SPATA22: variants seen among roughly 807,000 people sequenced by gnomAD.
SPATA22 encodes the protein spermatogenesis associated 22, also known as spermatogenesis-associated protein 22.
A neutral mutation model predicts 47.8 loss-of-function variants in SPATA22; 29 were observed. The ratio of observed to expected loss-of-function variants is 0.61; its 90% CI spans 0.45 to 0.83. The LOEUF is 0.83. Among genes scored for constraint, SPATA22 ranks in the 40% least tolerant of loss-of-function variants. The pLI, the probability that SPATA22 is intolerant of heterozygous loss-of-function variation, is 0.00. For missense variants in SPATA22, 410 were observed against 421.7 expected (o/e 0.97, Z 0.24); for synonymous variants, 133 against 140.9 (o/e 0.94, Z 0.40).
chr17:3,447,140 T>C (rs17822657), intron 6 of SPATA22, among the ~76,000 whole-genome samples: 35,574 of 151,360 alleles, frequency 0.24, 4,429 homozygotes, highest in East Asian at 0.42. Flanking sequence ...GGAAATGTAC[T>C]TTTTTTTTAG....
chr17:3,456,320 AAGAG>A (rs966083255), intron 5 of SPATA22, among the ~76,000 whole-genome samples: 2 of 151,286 alleles, frequency 1.3e-5, no homozygotes, highest in East Asian at 1.9e-4. Context: ...TAAAGAAAAA[AAGAG>A]AGAAGACTCA....
At chr17:3,465,048 CCCCG>C (rs2073258051) in intron 3 of SPATA22, among the ~76,000 whole-genome samples, 8 of 133,080 alleles carry the variant, frequency 6.0e-5, no homozygotes, top group Middle Eastern at 4.6e-3. Context: ...CGGCCAGCCG[CCCCG>C]TCCGGGAGGG....
At chr17:3,489,700 A>G in intron 1 of SPATA22, among the ~76,000 whole-genome samples, 1 of 152,236 alleles carries the variant, frequency 6.6e-6, no homozygotes, top group Middle Eastern at 3.2e-3. Context: ...AAGTCTGCAA[A>G]TATCAAGCGT....
chr17:3,444,749 A>C (rs1193467123), intron 7 of SPATA22, among the ~76,000 whole-genome samples: 1 of 152,036 alleles, frequency 6.6e-6, no homozygotes, highest in Non-Finnish European at 1.5e-5. Context: ...AAAATCCACT[A>C]AAGTTGTTTT....
At position 3,448,892 on chromosome 17, in the gene SPATA22, G is replaced by A. The variant is rs369926055; in HGVS notation, c.587C>T (p.Ala196Val). The A allele has an allele frequency of 3.3e-5, 54 of 1,613,856 alleles. No individual in the cohort carries two copies. In the African/African-American group the frequency reaches 6.0e-4, roughly 18 times the overall value. ...CTMRGLDKNS[A>V]LQTLKPNFQQ... ...AAAATTGGGCTTAAGTGTCTGTAGTGCACTGTTTTTGTCTAGCCCTCTCAT... is the reference window on the plus strand; with the variant it reads ...AAAATTGGGCTTAAGTGTCTGTAGTACACTGTTTTTGTCTAGCCCTCTCAT... The change falls in exon 6 of 9, where the codon GCA becomes GTA. Residue 196 changes from alanine to valine, a missense_variant. Coordinates refer to ENST00000572969, the MANE Select transcript of SPATA22 (RefSeq NM_001170698.2).
chr17:3,501,960 A>ACG (rs2073995913), intron 1 of SPATA22: 1 of 151,958 alleles, frequency 6.6e-6, no homozygotes, highest in Non-Finnish European at 1.5e-5. Context: ...CTCAAAAAAA[A>ACG]AAAAAAAAAA....
intron 1 of SPATA22, among the ~76,000 whole-genome samples, chr17:3,491,381 G>A (rs2073821251): frequency 6.6e-6 from 1 of 152,110 alleles, no homozygotes; most frequent in Admixed American, 6.5e-5. Flanking sequence ...CGTAATCCAG[G>A]AGAAACATCT....
intron 3 of SPATA22, among the ~76,000 whole-genome samples, chr17:3,465,799 A>G (rs548972634): frequency 7.9e-5 from 12 of 151,908 alleles, no homozygotes; most frequent in Admixed American, 2.6e-4. Flanking sequence ...TTAAAAAACA[A>G]AAAAAAACAA....
At chr17:3,507,429 T>C (rs149012137) in intron 1 of SPATA22, among the ~76,000 whole-genome samples, 25 of 152,334 alleles carry the variant, frequency 1.6e-4, no homozygotes, top group African/African-American at 4.6e-4. Context: ...TCATTGCCCA[T>C]ACTTCATGTT....
At chr17:3,479,098 C>T (rs1192201779) in intron 1 of SPATA22, among the ~76,000 whole-genome samples, 4 of 152,224 alleles carry the variant, frequency 2.6e-5, no homozygotes, top group African/African-American at 9.6e-5. Context: ...TATCATGTCT[C>T]TCCCCTGCTG....
Position 3,455,883 on chromosome 17 carries a change from G to A in SPATA22, c.329+6600C>T, listed in dbSNP as rs530763006. On this transcript the variant is annotated intron_variant, in intron 5 of 8. Transcript: ENST00000572969. ...TGGCATTGAATCTAAAATTACCTTG[G>A]GCAGTATGGCCATTTTCACGATATT... Among the ~76,000 whole-genome samples, 262 of 152,088 alleles carry A rather than the reference G, an allele frequency of 1.7e-3. 1 individual carries two copies. Among genetic ancestry groups the A allele is most frequent in the African/African-American group, 6.1e-3 (254 of 41,466 alleles).
At chr17:3,509,156 C>T (rs1343167420) in intron 1 of SPATA22, among the ~76,000 whole-genome samples, 2 of 151,828 alleles carry the variant, frequency 1.3e-5, no homozygotes, top group Non-Finnish European at 2.9e-5. Flanking sequence ...AATAATTTGA[C>T]AGCCAACAGC....
chr17:3,460,388 T>A (rs1003213690), intron 5 of SPATA22, among the ~76,000 whole-genome samples: 1 of 152,220 alleles, frequency 6.6e-6, no homozygotes, highest in African/African-American at 2.4e-5. Context: ...ATTTTCATAA[T>A]GAGAATAGTA....
chr17:3,499,340 C>T, intron 1 of SPATA22: 1 of 311,224 alleles, frequency 3.2e-6, no homozygotes, highest in Non-Finnish European at 5.8e-6. Flanking sequence ...ACTTGGGTAG[C>T]TCAACATTCT....
Position 3,510,489 on chromosome 17 carries a change from T to A in SPATA22, c.-74+2923A>T, listed in dbSNP as rs911023444. ...CACATTGGCACACCTAACGCAAGGA[T>A]AAAACGTGGCCATAACGAGGCAAAA... On this transcript the variant is annotated intron_variant, in intron 1 of 8. Transcript: ENST00000541913. 1 of 152,112 alleles carries A rather than the reference T, an allele frequency of 6.6e-6. No individual in the cohort carries two copies. The highest frequency in any genetic ancestry group is 1.5e-5 in the Non-Finnish European group (1 of 68,048). 9.4% of individuals were successfully genotyped at this position (152,112 alleles called of 1,614,324 possible).
rs114376220 is a variant in SPATA22 at position 3,448,546 on chromosome 17, T to C, written c.672+261A>G. On this transcript the variant is annotated intron_variant, in intron 6 of 8. Coordinates refer to ENST00000572969, the MANE Select transcript of SPATA22 (RefSeq NM_001170698.2). ...ACAATGGATAAACTGTCTTTATCTT[T>C]AAAATGAGTGTAAAGTGAAAGTCAG... Among the ~76,000 whole-genome samples the C allele has an allele frequency of 2.8e-3, 430 of 152,330 alleles. 5 individuals are homozygous for C. Among genetic ancestry groups the C allele is most frequent in the African/African-American group, 9.7e-3 (404 of 41,584 alleles).
rs1165316834 is a variant in SPATA22 at position 3,490,396 on chromosome 17, C to A, written c.-73-20998G>T. Reference sequence around the variant, plus strand: ...TTTACTTTAAAATGGAAAATAGTTGCTTAAAATCAAAGAGACATTCTATGT... The same window carrying A: ...TTTACTTTAAAATGGAAAATAGTTGATTAAAATCAAAGAGACATTCTATGT... On this transcript the variant is annotated intron_variant, in intron 1 of 8. Coordinates refer to the SPATA22 transcript ENST00000541913. The surrounding 1 kb of genome is among the most constrained non-coding windows in gnomAD (Gnocchi z 4.6). Among the ~76,000 whole-genome samples, 1 of 152,102 alleles carries A rather than the reference C, an allele frequency of 6.6e-6. No homozygotes were observed. Among genetic ancestry groups the A allele is most frequent in the Non-Finnish European group, 1.5e-5 (1 of 67,998 alleles).
chr17:3,468,234 C>T (rs1292333449), intron 2 of SPATA22: 2 of 152,164 alleles, frequency 1.3e-5, no homozygotes, highest in South Asian at 4.1e-4. Flanking sequence ...GATCTAGGAT[C>T]TCAATTCAGG....
chr17:3,506,215 T>A (rs2074039286), intron 1 of SPATA22, among the ~76,000 whole-genome samples: 1 of 152,194 alleles, frequency 6.6e-6, no homozygotes. Flanking sequence ...ACCAAGCCGA[T>A]GACTGAGAGG....
Sources: gnomAD v4.1 joint callset for allele counts (sites outside exome capture counted in the v4.1 genomes callset) on GRCh38, gnomAD v4.1.1 for gene constraint, Gnocchi (gnomAD v3.1) non-coding constraint, MANE v1.5 for transcripts, NCBI Gene and HGNC (gene_info 2026-07-23, HGNC 2026-07-21) for gene names.